SLC43A2: variants seen among roughly 807,000 people sequenced by gnomAD.
SLC43A2 encodes solute carrier family 43 member 2.
A neutral mutation model predicts 63.2 loss-of-function variants in SLC43A2; 38 were observed. The ratio of observed to expected loss-of-function variants is 0.60; its 90% CI spans 0.46 to 0.79. SLC43A2 has a LOEUF of 0.79. Among genes scored for constraint, SLC43A2 ranks in the 30% least tolerant of loss-of-function variants. The probability of loss-of-function intolerance (pLI) is 0.00; values close to 1 mark genes in which losing one functional copy is unlikely to be tolerated. For missense variants in SLC43A2, 644 were observed against 756.2 expected (o/e 0.85, Z 1.74); for synonymous variants, 322 against 331.0 (o/e 0.97, Z 0.30).
chr17:1,624,810 T>C (rs1285095834), intron 2 of SLC43A2, among the ~76,000 whole-genome samples: 2 of 151,932 alleles, frequency 1.3e-5, no homozygotes, highest in East Asian at 1.9e-4. Context: ...GGCGGGAGGA[T>C]TGCTTGAGCC....
Position 1,573,507 on chromosome 17 carries a change from GA to G in SLC43A2, c.*2096del, listed in dbSNP as rs1431322771. On this transcript the variant is annotated 3_prime_UTR_variant, in exon 14 of 14. Transcript: ENST00000301335. ...GTGCTGGCTGTAAGGAAACAGGCTT[GA>G]CTTTTAACTCAGCCTTTCCCAAACT... is the stretch of plus-strand genomic sequence containing the variant. 6.6e-6 allele frequency: 1 copy of G among 152,290 alleles called. No homozygotes were observed. The highest frequency in any genetic ancestry group is 1.5e-5 in the Non-Finnish European group (1 of 68,058). 9.4% of individuals were successfully genotyped at this position (152,290 alleles called of 1,614,324 possible). A position where few individuals can be genotyped will look rare whatever the true frequency, so the allele number is the denominator to read the frequency against.
upstream of SLC43A2, among the ~76,000 whole-genome samples, chr17:1,629,444 C>G (rs1012106369): frequency 1.3e-5 from 2 of 152,146 alleles, no homozygotes; most frequent in Non-Finnish European, 2.9e-5. Flanking sequence ...CGGACCCGGT[C>G]CAGCCGTGGC....
At chr17:1,607,522 C>T (rs1906727416) in intron 5 of SLC43A2, among the ~76,000 whole-genome samples, 1 of 152,088 alleles carries the variant, frequency 6.6e-6, no homozygotes, top group African/African-American at 2.4e-5. Context: ...CAGGGGAATG[C>T]CCATGGAACT....
intron 11 of SLC43A2, among the ~76,000 whole-genome samples, chr17:1,582,024 C>G (rs1399459770): frequency 2.0e-5 from 3 of 151,372 alleles, no homozygotes; most frequent in Non-Finnish European, 4.4e-5. Flanking sequence ...ATAGGCTAGT[C>G]TCAAACTCCT....
intron 3 of SLC43A2, among the ~76,000 whole-genome samples, chr17:1,615,669 C>G (rs1249782793): frequency 6.7e-6 from 1 of 149,738 alleles, no homozygotes; most frequent in Non-Finnish European, 1.5e-5. Flanking sequence ...CAGTGAAACC[C>G]CGTCTCTACT....
intron 4 of SLC43A2, among the ~76,000 whole-genome samples, chr17:1,614,160 G>A (rs968050681): frequency 4.6e-5 from 7 of 152,070 alleles, no homozygotes; most frequent in South Asian, 2.1e-4. Flanking sequence ...GGAGAATGGC[G>A]TGAACCCGGG....
Position 1,575,366 on chromosome 17 carries a change from G to A in SLC43A2, c.*238C>T, listed in dbSNP as rs866055624. On this transcript the variant is annotated 3_prime_UTR_variant, in exon 14 of 14. Transcript: ENST00000301335. ...CAGAGACCCCAGGCCCCGGGTCCCCGGGGGGCGGCAGAGCAAAGTCAGGGC... is the reference window on the plus strand; with the variant it reads ...CAGAGACCCCAGGCCCCGGGTCCCCAGGGGGCGGCAGAGCAAAGTCAGGGC... 3.1e-4 allele frequency: 172 copies of A among 560,070 alleles called. 1 individual carries two copies. Among genetic ancestry groups the A allele is most frequent in the Middle Eastern group, 2.4e-3 (5 of 2,108 alleles). 34.7% of individuals were successfully genotyped at this position (560,070 alleles called of 1,614,324 possible).
At chr17:1,610,889 G>A (rs1353665733) in intron 5 of SLC43A2, among the ~76,000 whole-genome samples, 4 of 148,570 alleles carry the variant, frequency 2.7e-5, no homozygotes, top group Admixed American at 2.0e-4. Context: ...CACCCAGGCT[G>A]GAGTTCAGTG....
chr17:1,581,803 T>A (rs2076018231), intron 11 of SLC43A2, among the ~76,000 whole-genome samples: 1 of 151,144 alleles, frequency 6.6e-6, no homozygotes. Context: ...GCAAAGAAAT[T>A]CAGTTTTTTT....
At chr17:1,614,538 G>A (rs778977454) in intron 4 of SLC43A2, among the ~76,000 whole-genome samples, 3 of 152,054 alleles carry the variant, frequency 2.0e-5, no homozygotes, top group Admixed American at 2.0e-4. Context: ...GGTGAAACTC[G>A]AGTCCTCTTT....
rs1159122420 is a variant in SLC43A2 at position 1,583,142 on chromosome 17, TC to T, written c.1350+61del. On this transcript the variant is annotated intron_variant, in intron 11 of 13. Transcript: ENST00000301335. This position sits in a 1 kb window ranked among gnomAD's most constrained non-coding sequence, Gnocchi z 5.5. ...CCATGAAACATTACACACTTTTGAG[TC>T]TTTACATGTTCCTTCTGACTGCCCC... 1.3e-6 allele frequency: 2 copies of T among 1,547,148 alleles called. No homozygotes were observed. The highest frequency in any genetic ancestry group is 3.5e-5 in the Admixed American group (2 of 57,186).
In SLC43A2 at chr17:1,576,607, T is replaced by C; in HGVS notation, c.1538A>G (p.Asp513Gly). 6.2e-7 allele frequency: 1 copy of C among 1,606,178 alleles called. No individual in the cohort carries two copies. The highest frequency in any genetic ancestry group is 1.7e-4 in the Middle Eastern group (1 of 6,050). ...CCCGACCCCTCTTACCCACAGAGGG[T>C]CTCCCTGGAGAGGACCCATCATGGC... ...FLAMMGPLQG[D>G]PLWVNVGLLL... The change falls in exon 13 of 14, where the codon GAC (aspartate) becomes GGC (glycine). Residue 513 changes from aspartate (D) to glycine (G), a missense_variant. Coordinates refer to ENST00000301335, the MANE Select transcript of SLC43A2 (RefSeq NM_152346.3).
At chr17:1,600,549 CTTTTTTTTTTT>C (rs398030152) in intron 5 of SLC43A2, among the ~76,000 whole-genome samples, 3 of 73,764 alleles carry the variant, frequency 4.1e-5, no homozygotes, top group African/African-American at 5.1e-5. Flanking sequence ...TTTCTTTCCT[CTTTTTTTTTTT>C]TTTTTTTTTT....
At chr17:1,587,092 G>GTTTCCCGCACTGCA (rs1393943426) in intron 9 of SLC43A2, 1 of 1,062,530 alleles carries the variant, frequency 9.4e-7, no homozygotes, top group Non-Finnish European at 1.4e-6. Context: ...CCCACACTGC[G>GTTTCCCGCACTGCA]TTTCCCGCAC....
intron 5 of SLC43A2, among the ~76,000 whole-genome samples, chr17:1,601,819 C>T (rs923821357): frequency 6.8e-6 from 1 of 146,926 alleles, no homozygotes; most frequent in Non-Finnish European, 1.5e-5. Context: ...AGGTCCAAAC[C>T]GATGCAAAGC....
intron 5 of SLC43A2, among the ~76,000 whole-genome samples, chr17:1,594,745 AC>A (rs1905133318): frequency 6.7e-6 from 1 of 150,208 alleles, no homozygotes; most frequent in African/African-American, 2.5e-5. Context: ...CCGCCACCAC[AC>A]CCGGCTAATT....
chr17:1,587,089 T>TGCGTTTCCCGCACCGCGTTTCCCGCACC, intron 9 of SLC43A2: 1 of 1,010,262 alleles, frequency 9.9e-7, no homozygotes, highest in Non-Finnish European at 1.4e-6. Flanking sequence ...TTTCCCACAC[T>TGCGTTTCCCGCACCGCGTTTCCCGCACC]GCGTTTCCCG....
intron 5 of SLC43A2, among the ~76,000 whole-genome samples, chr17:1,607,904 C>T (rs557023562): frequency 5.3e-5 from 8 of 152,134 alleles, no homozygotes; most frequent in East Asian, 1.9e-4. Flanking sequence ...TTAGTAGAGA[C>T]GGGGTTTCAC....
Position 1,591,285 on chromosome 17 carries a change from G to T in SLC43A2, c.915C>A (p.Cys305Ter). ...CLSTVDLEVK[C>*]QPDAAVAPSF... Reference sequence around the variant, plus strand: ...GGCGGGTACCTGCGGCATCCGGCTGGCACTTCACCTCCAGGTCGACGGTGG... The same window carrying T: ...GGCGGGTACCTGCGGCATCCGGCTGTCACTTCACCTCCAGGTCGACGGTGG... Residue 305 changes from cysteine (C) to a stop codon, truncating the protein, a stop_gained, in exon 8 of 14, where the codon TGC becomes TGA. Transcript: ENST00000301335. LOFTEE classifies it high-confidence loss of function. The T allele has an allele frequency of 6.2e-7, 1 of 1,604,912 alleles. No homozygotes were observed.
Sources: gnomAD v4.1 joint callset for allele counts (sites outside exome capture counted in the v4.1 genomes callset) on GRCh38, gnomAD v4.1.1 for gene constraint, Gnocchi (gnomAD v3.1) non-coding constraint, MANE v1.5 for transcripts, NCBI Gene and HGNC (gene_info 2026-07-23, HGNC 2026-07-21) for gene names.